Variants in ZNF732 observed in about 807,000 individuals in gnomAD.
The protein encoded by ZNF732 is zinc finger protein 732.
Under a neutral mutation model 11.5 loss-of-function variants are expected in ZNF732, and 12 were observed. That is an observed-to-expected ratio of 1.05 (90% CI 0.67 to 1.70). The LOEUF (loss-of-function observed/expected upper bound fraction) is 1.70, where lower values mean the gene tolerates loss of function less well. Ranked by LOEUF, ZNF732 falls within the 40% of genes most tolerant of loss-of-function variation. The pLI is 0.00. For synonymous variants in ZNF732, 231 were observed against 236.5 expected, an observed-to-expected ratio of 0.98 and a Z score of 0.21; for missense variants, 702 against 676.9, an observed-to-expected ratio of 1.04 and a Z score of -0.41.
At chr4:278,936 T>C (rs1719557282) in intron 3 of ZNF732, among the ~76,000 whole-genome samples, 1 of 152,200 alleles carries the variant, frequency 6.6e-6, no homozygotes, top group Admixed American at 6.5e-5. Flanking sequence ...ATATCTCCTT[T>C]TCCTTCTCCC....
chr4:295,913 GAAGA>G (rs1553842180), intron 2 of ZNF732, 112 bp downstream of exon 2: 4 of 1,294,026 alleles, frequency 3.1e-6, no homozygotes, highest in South Asian at 1.5e-5. Flanking sequence ...ACAGTTTCTT[GAAGA>G]AAGAAACTGA....
At chr4:278,764 T>A (rs1553839149) in intron 3 of ZNF732, among the ~76,000 whole-genome samples, 1 of 152,206 alleles carries the variant, frequency 6.6e-6, no homozygotes, top group African/African-American at 2.4e-5. Flanking sequence ...TCTCTTCGTC[T>A]GTGCACGGAA....
At chr4:290,145 T>G (rs922203917) in intron 3 of ZNF732, among the ~76,000 whole-genome samples, 11 of 152,158 alleles carry the variant, frequency 7.2e-5, no homozygotes, top group African/African-American at 2.7e-4. Context: ...CTTAGTAAAC[T>G]CCTACAAAAC....
rs555866310 is a variant in ZNF732, at chr4:272,576, G to A, written c.281C>T (p.Ser94Leu). The change falls in exon 4 of 4, where the codon TCG becomes TTG. Residue 94 changes from serine to leucine, a missense_variant. Coordinates refer to ENST00000419098, the MANE Select transcript of ZNF732 (RefSeq NM_001137608.3). ...DFLPVQGIED[S>L]FHKLILRRYE... Reference sequence around the variant, plus strand: ...TCTTCTTAATATAAGTTTGTGGAACGAATCTTCTATCCCCTGCACTGGCAA... The same window carrying A: ...TCTTCTTAATATAAGTTTGTGGAACAAATCTTCTATCCCCTGCACTGGCAA... 2.7e-5 allele frequency: 43 copies of A among 1,587,230 alleles called. No individual in the cohort carries two copies. Among genetic ancestry groups the A allele is most frequent in the Admixed American group, 7.2e-5 (4 of 55,368 alleles).
intron 1 of ZNF732, 143 bp downstream of exon 1, chr4:305,165 G>C: frequency 8.7e-7 from 1 of 1,144,136 alleles, no homozygotes; most frequent in Non-Finnish European, 1.2e-6. Context: ...ATGAACCCGG[G>C]TCCCTCACCG....
intron 1 of ZNF732, among the ~76,000 whole-genome samples, chr4:298,671 C>T (rs782460106): frequency 1.3e-5 from 2 of 152,108 alleles, no homozygotes; most frequent in Non-Finnish European, 2.9e-5. Context: ...GATTCAGGCT[C>T]AATTAGTGGG....
Position 270,804 on chromosome 4 carries a change from C to T in ZNF732, c.*295G>A. The T allele has an allele frequency of 1.7e-6, 1 of 582,964 alleles. No homozygotes were observed. Among genetic ancestry groups the T allele is most frequent in the Middle Eastern group, 2.8e-4 (1 of 3,582 alleles). The allele number at this position is 582,964 out of a possible 1,614,324, so 36.1% of individuals were successfully genotyped here. ...CCATATGAATTTTCTTATGTTCACT[C>T]AGGGTTGTGGACCATCTAAAAGCTT... On this transcript the variant is annotated 3_prime_UTR_variant, in exon 4 of 4. Transcript: ENST00000419098.
At chr4:279,040 G>T (rs1719561890) in intron 3 of ZNF732, among the ~76,000 whole-genome samples, 1 of 152,118 alleles carries the variant, frequency 6.6e-6, no homozygotes, top group South Asian at 2.1e-4. Flanking sequence ...AAGATATTGT[G>T]TGTGTGTCTT....
At chr4:303,273 C>T (rs781824137) in intron 1 of ZNF732, among the ~76,000 whole-genome samples, 22 of 152,192 alleles carry the variant, frequency 1.4e-4, no homozygotes, top group Non-Finnish European at 2.4e-4. Context: ...GAAAATCTAG[C>T]CCCTTCTTCG....
intron 3 of ZNF732, among the ~76,000 whole-genome samples, chr4:281,024 C>T (rs1719609211): frequency 6.6e-6 from 1 of 152,150 alleles, no homozygotes; most frequent in African/African-American, 2.4e-5. Flanking sequence ...GACAGTGGAT[C>T]TTGACGTGGC....
At chr4:275,643 T>C (rs1350320415) in intron 3 of ZNF732, among the ~76,000 whole-genome samples, 1 of 151,840 alleles carries the variant, frequency 6.6e-6, no homozygotes, top group Non-Finnish European at 1.5e-5. Flanking sequence ...ATTGCAGCAC[T>C]GTTCCTGAAA....
At chr4:298,313 G>A (rs1171350351) in intron 1 of ZNF732, among the ~76,000 whole-genome samples, 1 of 152,164 alleles carries the variant, frequency 6.6e-6, no homozygotes, top group Non-Finnish European at 1.5e-5. Context: ...CAAGTTCCTT[G>A]AGGGTAGGGA....
intron 1 of ZNF732, among the ~76,000 whole-genome samples, chr4:302,933 G>A (rs1460989816): frequency 6.6e-6 from 1 of 151,988 alleles, no homozygotes; most frequent in Non-Finnish European, 1.5e-5. Context: ...CTCTCCCTTA[G>A]CTAAGAGCCA....
intron 3 of ZNF732, among the ~76,000 whole-genome samples, chr4:286,161 A>G (rs782720903): frequency 1.3e-5 from 2 of 152,236 alleles, no homozygotes; most frequent in Admixed American, 6.5e-5. Flanking sequence ...AGCAATCCTG[A>G]AATTTTATCA....
intron 3 of ZNF732, among the ~76,000 whole-genome samples, chr4:289,489 C>G (rs1310711274): frequency 6.6e-6 from 1 of 152,196 alleles, no homozygotes; most frequent in Non-Finnish European, 1.5e-5. Context: ...ACTCTGATTA[C>G]CAGAAGTTTT....
chr4:298,291 T>G (rs1720002501), intron 1 of ZNF732, among the ~76,000 whole-genome samples: 1 of 152,204 alleles, frequency 6.6e-6, no homozygotes, highest in Admixed American at 6.5e-5. Context: ...TTTATTCATG[T>G]GCTCCAGACT....
intron 1 of ZNF732, among the ~76,000 whole-genome samples, chr4:297,977 A>G (rs1315151430): frequency 1.3e-5 from 2 of 152,182 alleles, no homozygotes; most frequent in Non-Finnish European, 2.9e-5. Context: ...CCTCCCCAAG[A>G]GAAATTTGAT....
chr4:300,564 G>A lies in ZNF732; in HGVS notation c.4-4409C>T, dbSNP rs540125995. 2.0e-5 allele frequency among the ~76,000 whole-genome samples: 3 copies of A among 152,140 alleles called. No individual in the cohort carries two copies. In the South Asian group the frequency reaches 6.2e-4, roughly 32 times the overall value. On this transcript the variant is annotated intron_variant, in intron 1 of 3. Coordinates refer to ENST00000419098, the MANE Select transcript of ZNF732 (RefSeq NM_001137608.3). The stretch of plus-strand genomic sequence containing the variant: ...TCAAAGAGGGGAACAGTACATGACT[G>A]TGGTCTCATTTTAACACATCACTGG...
At chr4:294,036 A>T (rs1014716932) in intron 3 of ZNF732, among the ~76,000 whole-genome samples, 5 of 152,180 alleles carry the variant, frequency 3.3e-5, no homozygotes, top group African/African-American at 9.7e-5. Flanking sequence ...AGTTTTGCTC[A>T]TGTCGTCTAG....
Sources: allele counts gnomAD v4.1 joint callset (sites outside exome capture counted in the v4.1 genomes callset), GRCh38; gene constraint gnomAD v4.1.1; transcripts MANE v1.5; gene names NCBI Gene and HGNC (gene_info 2026-07-23, HGNC 2026-07-21).